Variants in ZMAT4 observed in about 807,000 individuals in gnomAD.
ZMAT4 encodes the protein zinc finger matrin-type 4.
A neutral mutation model predicts 28.7 loss-of-function variants in ZMAT4; 17 were observed. The ratio of observed to expected loss-of-function variants is 0.59; its 90% CI spans 0.41 to 0.89. The LOEUF (loss-of-function observed/expected upper bound fraction) is 0.89, where lower values mean the gene tolerates loss of function less well. Among genes scored for constraint, ZMAT4 ranks in the 40% least tolerant of loss-of-function variants. ZMAT4 has a pLI of 0.00. For synonymous variants in ZMAT4, 117 were observed against 109.2 expected (o/e 1.07, Z -0.44); for missense variants, 240 against 283.8 (o/e 0.85, Z 1.11).
chr8:40,614,752 G>A (rs1805934894), intron 5 of ZMAT4, among the ~76,000 whole-genome samples: 2 of 152,148 alleles, frequency 1.3e-5, no homozygotes, highest in South Asian at 4.1e-4. Context: ...TGCAACCCGT[G>A]CTGTTTTATG....
chr8:40,801,350 AAATATATATATATATATATATAC>A (rs1814827324), intron 2 of ZMAT4, among the ~76,000 whole-genome samples: 1 of 77,346 alleles, frequency 1.3e-5, no homozygotes, highest in South Asian at 4.3e-4. Flanking sequence ...TTAAAAAAAA[AAATATATATATATATATATATAC>A]ATATATATAT....
chr8:40,896,051 G>A (rs1818863262), intron 1 of ZMAT4, among the ~76,000 whole-genome samples: 3 of 151,652 alleles, frequency 2.0e-5, no homozygotes, highest in Admixed American at 2.0e-4. Context: ...GAACGCTGAT[G>A]GTATTTTGAC....
rs774919666 is a variant in ZMAT4, at chr8:40,801,352, A to AAAATATATATATATATATATATATG, written c.102+24222_102+24223insCATATATATATATATATATATATTT. Among the ~76,000 whole-genome samples, 394 of 72,060 alleles carry AAAATATATATATATATATATATATG rather than the reference A, an allele frequency of 5.5e-3. 4 individuals carry two copies. The highest frequency in any genetic ancestry group is 0.017 in the African/African-American group (376 of 21,710). The allele number at this position is 72,060 out of a possible 152,430, so 47.3% of individuals were successfully genotyped here. On this transcript the variant is annotated intron_variant, in intron 2 of 6. Coordinates refer to ENST00000297737, the MANE Select transcript of ZMAT4 (RefSeq NM_024645.3). ...GATGATACTTTCTTTAAAAAAAAAA[A>AAAATATATATATATATATATATATG]TATATATATATATATATATACATAT... is the stretch of plus-strand genomic sequence containing the variant.
chr8:40,784,303 C>T (rs1274206540), intron 2 of ZMAT4, among the ~76,000 whole-genome samples: 1 of 152,114 alleles, frequency 6.6e-6, no homozygotes, highest in Non-Finnish European at 1.5e-5. Flanking sequence ...CATTAATAGA[C>T]TAACAGAAGA....
intron 5 of ZMAT4, among the ~76,000 whole-genome samples, chr8:40,668,783 C>G (rs548794270): frequency 3.1e-4 from 47 of 152,198 alleles, no homozygotes; most frequent in Non-Finnish European, 5.1e-4. Flanking sequence ...ACAAGAAGCC[C>G]TGGACAACAA....
intron 2 of ZMAT4, among the ~76,000 whole-genome samples, chr8:40,795,509 C>T (rs190519789): frequency 2.8e-4 from 43 of 152,282 alleles, no homozygotes; most frequent in African/African-American, 9.4e-4. Flanking sequence ...TAGGCTGTCC[C>T]TAGGCTGAGA....
intron 1 of ZMAT4, among the ~76,000 whole-genome samples, chr8:40,826,878 C>T (rs1264534060): frequency 6.6e-6 from 1 of 152,186 alleles, no homozygotes; most frequent in Non-Finnish European, 1.5e-5. Flanking sequence ...TGGAAACACA[C>T]CCCAGTGCAT....
chr8:40,857,599 T>G (rs1817344593), intron 1 of ZMAT4, among the ~76,000 whole-genome samples: 3 of 152,206 alleles, frequency 2.0e-5, no homozygotes, highest in Admixed American at 2.0e-4. Context: ...TCATCCACTT[T>G]GGAAAACTGT....
At chr8:40,601,606 GAA>G (rs1161254283) in intron 5 of ZMAT4, among the ~76,000 whole-genome samples, 3 of 18,010 alleles carry the variant, frequency 1.7e-4, no homozygotes, top group African/African-American at 3.5e-4. Context: ...AAGAAAGAAA[GAA>G]AGAAAGAAAG....
chr8:40,649,620 A>C (rs1354635624), intron 5 of ZMAT4, among the ~76,000 whole-genome samples: 1 of 152,058 alleles, frequency 6.6e-6, no homozygotes, highest in African/African-American at 2.4e-5. Flanking sequence ...AACAGAATAT[A>C]CATTTTTTTC....
Position 40,530,909 on chromosome 8 carries a change from T to A in ZMAT4, c.*1314A>T, listed in dbSNP as rs184577511. On this transcript the variant is annotated 3_prime_UTR_variant, in exon 7 of 7. Coordinates refer to ENST00000297737, the MANE Select transcript of ZMAT4 (RefSeq NM_024645.3). ...GGCTCCTTCATAACAACACTGTGCA[T>A]TTCTGTGTCATTTTGTTTATTGCTC... is the stretch of plus-strand genomic sequence containing the variant. The A allele has an allele frequency of 6.5e-6, 1 of 152,692 alleles. No individual in the cohort carries two copies. The highest frequency in any genetic ancestry group is 1.9e-4 in the East Asian group (1 of 5,172). 9.5% of individuals were successfully genotyped at this position (152,692 alleles called of 1,614,324 possible).
At chr8:40,729,279 C>G (rs749746662) in intron 3 of ZMAT4, among the ~76,000 whole-genome samples, 1 of 152,128 alleles carries the variant, frequency 6.6e-6, no homozygotes, top group South Asian at 2.1e-4. Flanking sequence ...TTTTGGAGGA[C>G]AGTTAATTAT....
chr8:40,815,663 C>T lies in ZMAT4; in HGVS notation c.102+9912G>A, dbSNP rs559280697. On this transcript the variant is annotated intron_variant, in intron 2 of 6. Transcript: ENST00000297737. ...ACAGAGCTCAGGACCTAGGAGACAG[C>T]TGGCCCCAAAAGGTAGGCACAAGAG... is the stretch of plus-strand genomic sequence containing the variant. 3.3e-5 allele frequency among the ~76,000 whole-genome samples: 5 copies of T among 152,298 alleles called. No homozygotes were observed. The East Asian group carries it at 9.7e-4, about 29-fold the overall frequency.
intron 5 of ZMAT4, among the ~76,000 whole-genome samples, chr8:40,672,620 C>G (rs575943869): frequency 6.6e-6 from 1 of 152,244 alleles, no homozygotes; most frequent in East Asian, 1.9e-4. Flanking sequence ...ATAAAAGATA[C>G]AGCACTGATA....
chr8:40,615,641 T>C (rs1321421010), intron 5 of ZMAT4, among the ~76,000 whole-genome samples: 1 of 152,196 alleles, frequency 6.6e-6, no homozygotes, highest in Non-Finnish European at 1.5e-5. Flanking sequence ...ACTCTTTTTT[T>C]CTCTAAACTT....
chr8:40,700,789 G>A (rs1321468177), intron 3 of ZMAT4, among the ~76,000 whole-genome samples: 3 of 152,028 alleles, frequency 2.0e-5, no homozygotes, highest in African/African-American at 7.3e-5. Context: ...TCTCCTGGGT[G>A]CCTTGTACAT....
chr8:40,766,670 C>A (rs185571061), intron 3 of ZMAT4, among the ~76,000 whole-genome samples: 4 of 152,330 alleles, frequency 2.6e-5, no homozygotes, highest in African/African-American at 9.6e-5. Context: ...CACCAAGAGG[C>A]ATGCTTAGAA....
At chr8:40,627,456 A>G (rs1172346478) in intron 5 of ZMAT4, among the ~76,000 whole-genome samples, 1 of 152,246 alleles carries the variant, frequency 6.6e-6, no homozygotes, top group Non-Finnish European at 1.5e-5. Context: ...ATATAAATAT[A>G]CACACACAGA....
At chr8:40,607,014 G>A (rs567245649) in intron 5 of ZMAT4, among the ~76,000 whole-genome samples, 4 of 149,950 alleles carry the variant, frequency 2.7e-5, no homozygotes, top group African/African-American at 9.8e-5. Flanking sequence ...AGTTTCCAGT[G>A]TATTTTACAT....
Sources: allele counts gnomAD v4.1 joint callset (sites outside exome capture counted in the v4.1 genomes callset), GRCh38; gene constraint gnomAD v4.1.1; transcripts MANE v1.5; gene names NCBI Gene and HGNC (gene_info 2026-07-23, HGNC 2026-07-21).